The following PRMT3 variants were observed in gnomAD, a reference collection of about 807,000 sequenced individuals.
PRMT3 encodes the protein protein arginine methyltransferase 3.
A neutral mutation model predicts 71.9 loss-of-function variants in PRMT3; 62 were observed. That is an observed-to-expected ratio of 0.86 (90% confidence interval 0.70 to 1.07). The LOEUF is 1.07. Ranked by LOEUF, PRMT3 falls within the 50% of genes least tolerant of loss-of-function variation. The pLI is 0.00. For synonymous variants in PRMT3, 213 were observed against 220.4 expected (o/e 0.97, Z 0.30); for missense variants, 663 against 643.0 (o/e 1.03, Z -0.34).
At chr11:20,440,461 C>A (rs183967013) in intron 10 of PRMT3, among the ~76,000 whole-genome samples, 1,353 of 128,778 alleles carry the variant, frequency 0.011, 26 homozygotes, top group African/African-American at 0.037. Flanking sequence ...CTGGCTAACA[C>A]GGTGAAACCC....
rs1469441723 is a variant in PRMT3 at position 20,494,387 on chromosome 11, G to A, written c.1486+133G>A. 5.2e-6 allele frequency: 4 copies of A among 771,304 alleles called. No homozygotes were observed. In the East Asian group the frequency reaches 1.1e-4, roughly 21 times the overall value. 47.8% of individuals were successfully genotyped at this position (771,304 alleles called of 1,614,324 possible). ...GGAGTCTCGCTGTCTCACCCAGGCT[G>A]GAGAACAGTGATCTCGGCTCACTGC... On this transcript the variant is annotated intron_variant, in intron 15 of 15. Transcript: ENST00000331079.
intron 10 of PRMT3, among the ~76,000 whole-genome samples, chr11:20,445,602 A>G (rs2133378915): frequency 6.6e-6 from 1 of 152,266 alleles, no homozygotes; most frequent in East Asian, 1.9e-4. Context: ...GAATAGTTAT[A>G]TAATGAACAC....
chr11:20,494,388 G>A (rs1016883444), intron 15 of PRMT3, 134 bp downstream of exon 15: 1 of 766,124 alleles, frequency 1.3e-6, no homozygotes, highest in African/African-American at 1.8e-5. Flanking sequence ...ACCCAGGCTG[G>A]AGAACAGTGA....
intron 8 of PRMT3, among the ~76,000 whole-genome samples, chr11:20,403,648 T>A (rs545062362): frequency 6.6e-6 from 1 of 152,202 alleles, no homozygotes; most frequent in South Asian, 2.1e-4. Context: ...TCTTTATACA[T>A]TGGCATGGTT....
intron 15 of PRMT3, among the ~76,000 whole-genome samples, chr11:20,504,321 C>T (rs945545940): frequency 4.6e-5 from 7 of 152,192 alleles, no homozygotes; most frequent in Admixed American, 2.0e-4. Context: ...TATAGATCTA[C>T]TTCTGAGCTC....
intron 9 of PRMT3, among the ~76,000 whole-genome samples, chr11:20,416,770 T>G (rs1247643811): frequency 6.6e-6 from 1 of 152,174 alleles, no homozygotes; most frequent in Admixed American, 6.6e-5. Flanking sequence ...AGGGAGCAGC[T>G]CATAGAATAG....
chr11:20,461,399 C>G (rs964321509), intron 11 of PRMT3, among the ~76,000 whole-genome samples: 1 of 152,148 alleles, frequency 6.6e-6, no homozygotes, highest in African/African-American at 2.4e-5. Flanking sequence ...CTATGCATTT[C>G]TTTTTCAAAA....
rs1478382171 is a variant in PRMT3, at chr11:20,388,268, C to T, written c.164+114C>T. 5.6e-6 allele frequency: 8 copies of T among 1,439,726 alleles called. No homozygotes were observed. The South Asian group carries it at 1.0e-4, about 18-fold the overall frequency. The allele number at this position is 1,439,726 out of a possible 1,614,324, so 89.2% of individuals were successfully genotyped here. ...AGCCAGAGTGGCCTGTCTTTGAATT[C>T]TGGAACCACTGGTCTGGGGTGAGGG... On this transcript the variant is annotated intron_variant, in intron 2 of 15. Coordinates refer to ENST00000331079, the MANE Select transcript of PRMT3 (RefSeq NM_005788.4).
chr11:20,463,860 G>A (rs1017839457), intron 12 of PRMT3, among the ~76,000 whole-genome samples: 1 of 148,050 alleles, frequency 6.8e-6, no homozygotes, highest in Non-Finnish European at 1.5e-5. Flanking sequence ...AGGGCAGAAT[G>A]GGAAAATAAA....
chr11:20,397,042 C>G (rs1160944056), intron 6 of PRMT3, among the ~76,000 whole-genome samples: 2 of 152,166 alleles, frequency 1.3e-5, no homozygotes, highest in Admixed American at 6.5e-5. Context: ...CTACCTTTTG[C>G]CCCTTTGAAC....
intron 11 of PRMT3, among the ~76,000 whole-genome samples, chr11:20,461,676 AC>A (rs1850386083): frequency 6.6e-6 from 1 of 152,194 alleles, no homozygotes; most frequent in South Asian, 2.1e-4. Context: ...AAGTTAGCAT[AC>A]TTTAAGTTTT....
At chr11:20,497,265 G>T (rs1341722842) in intron 15 of PRMT3, among the ~76,000 whole-genome samples, 7 of 152,116 alleles carry the variant, frequency 4.6e-5, no homozygotes, top group African/African-American at 1.7e-4. Flanking sequence ...TAACTGGTTT[G>T]TGCTTTGCTC....
chr11:20,392,408 A>G (rs1380668521), intron 4 of PRMT3, 148 bp downstream of exon 4: 1 of 788,944 alleles, frequency 1.3e-6, no homozygotes, highest in East Asian at 3.0e-5. Context: ...ATTAGGAGGT[A>G]GCACAGCAGA....
At position 20,400,984 on chromosome 11, in the gene PRMT3, T is replaced by C. The variant is rs371165083; in HGVS notation, c.706-1935T>C. Among the ~76,000 whole-genome samples, 1,204 of 144,882 alleles carry C rather than the reference T, an allele frequency of 8.3e-3. 10 individuals are homozygous for C. Among genetic ancestry groups the C allele is most frequent in the Non-Finnish European group, 0.013 (851 of 65,290 alleles). ...TCGTATTTATTGGATTTTTTTTTTT[T>C]CCAAAAATTAAGTGACTGAATTGAA... On this transcript the variant is annotated intron_variant, in intron 7 of 15. Transcript: ENST00000331079.
At chr11:20,397,791 T>C (rs1848860656) in intron 7 of PRMT3, 70 bp downstream of exon 7, 2 of 1,532,910 alleles carry the variant, frequency 1.3e-6, no homozygotes, top group Non-Finnish European at 1.8e-6. Context: ...TCTTAATATA[T>C]GTGTGCACTA....
At chr11:20,452,429 C>CT (rs1230773419) in intron 11 of PRMT3, among the ~76,000 whole-genome samples, 1 of 152,092 alleles carries the variant, frequency 6.6e-6, no homozygotes, top group Non-Finnish European at 1.5e-5. Flanking sequence ...CTCAAGAATG[C>CT]TTTTATTAAA....
intron 3 of PRMT3, among the ~76,000 whole-genome samples, chr11:20,391,515 T>TCA (rs1848715120): frequency 6.6e-6 from 1 of 152,208 alleles, no homozygotes. Flanking sequence ...AGTGCTGGGG[T>TCA]TACAGGCATG....
At chr11:20,465,340 A>G (rs1304148084) in intron 13 of PRMT3, among the ~76,000 whole-genome samples, 1 of 151,994 alleles carries the variant, frequency 6.6e-6, no homozygotes, top group African/African-American at 2.4e-5. Flanking sequence ...ATGAGTTTAT[A>G]TAGGTGGTAT....
rs1195061889 is a variant in PRMT3 at position 20,392,922 on chromosome 11, C to A, written c.323C>A (p.Ser108Tyr). 1 of 1,599,346 alleles carries A rather than the reference C, an allele frequency of 6.3e-7. No individual in the cohort carries two copies. Residue 108 changes from serine (S) to tyrosine (Y), a missense_variant, in exon 5 of 16, where the codon TCC becomes TAC. Coordinates refer to ENST00000331079, the MANE Select transcript of PRMT3 (RefSeq NM_005788.4). ...LKNPTVEYMN[S>Y]IYNPVPWEKE... ...AATCCTACAGTTGAGTACATGAATT[C>A]CATATACAACCCAGTGCCTTGGGAG...
Sources: allele counts gnomAD v4.1 joint callset (sites outside exome capture counted in the v4.1 genomes callset), GRCh38; gene constraint gnomAD v4.1.1; transcripts MANE v1.5; gene names NCBI Gene and HGNC (gene_info 2026-07-23, HGNC 2026-07-21).